TF: variants seen among roughly 807,000 people sequenced by gnomAD.
TF encodes serotransferrin.
TF carries 55 observed loss-of-function variants against 82.4 expected under a neutral mutation model. That is an observed-to-expected ratio of 0.67 (90% CI 0.54 to 0.84). The LOEUF is 0.84. Ranked by LOEUF, TF falls within the 40% of genes least tolerant of loss-of-function variation. The pLI is 0.00. For missense variants in TF, 737 were observed against 868.4 expected (o/e 0.85, Z 1.90); for synonymous variants, 332 against 332.6 (o/e 1.00, Z 0.02).
chr3:133,740,448 A>G, the TF span, among the ~76,000 whole-genome samples: 5 of 152,178 alleles, frequency 3.3e-5, no homozygotes, highest in Admixed American at 2.6e-4. Context: ...CTCATGCCTC[A>G]GCCTCCCGAG....
intron 11 of TF, among the ~76,000 whole-genome samples, 153 bp from the exon 12 acceptor site, chr3:133,766,125 T>C (rs992116501): frequency 5.3e-5 from 8 of 152,240 alleles, no homozygotes; most frequent in Admixed American, 5.2e-4. Context: ...CAGAGTTCCT[T>C]GTACTTCCCC....
In TF at chr3:133,794,945, G is replaced by T. The variant is rs76456178; in HGVS notation, c.*16325G>T. 1.9e-4 allele frequency: 29 copies of T among 152,244 alleles called. No individual in the cohort carries two copies. The highest frequency in any genetic ancestry group is 6.7e-4 in the African/African-American group (28 of 41,542). The allele number at this position is 152,244 out of a possible 1,614,324, so 9.4% of individuals were successfully genotyped here. ...TGAAGAATTTTGCAGCCAGCTTTAGGTCCTTTTTCCATGATTTGGAATAAA... is the reference window on the plus strand; with the variant it reads ...TGAAGAATTTTGCAGCCAGCTTTAGTTCCTTTTTCCATGATTTGGAATAAA... On this transcript the variant is annotated 3_prime_UTR_variant, in exon 17 of 17. Transcript: ENST00000402696.
At chr3:133,717,169 G>A in the TF span, among the ~76,000 whole-genome samples, 2 of 151,966 alleles carry the variant, frequency 1.3e-5, no homozygotes, top group African/African-American at 4.8e-5. Context: ...CTTTTCTTCT[G>A]TAGAATGAAC....
At chr3:133,755,135 G>A (rs1933788665) in intron 4 of TF, among the ~76,000 whole-genome samples, 1 of 152,260 alleles carries the variant, frequency 6.6e-6, no homozygotes, top group Non-Finnish European at 1.5e-5. Flanking sequence ...GCCTTGGTTA[G>A]TGGGAAGCAT....
chr3:133,674,651 G>A, the TF span, among the ~76,000 whole-genome samples: 1 of 152,158 alleles, frequency 6.6e-6, no homozygotes, highest in Non-Finnish European at 1.5e-5. Context: ...CTGAGTAAGT[G>A]AGCGCTGGGA....
intron 7 of TF, among the ~76,000 whole-genome samples, 179 bp from the exon 8 acceptor site, chr3:133,757,590 C>G (rs1187079911): frequency 1.3e-5 from 2 of 152,224 alleles, no homozygotes. Context: ...ATCGCGGACC[C>G]ACGAGGGCTA....
At chr3:133,736,615 C>T in the TF span, among the ~76,000 whole-genome samples, 1 of 46,230 alleles carries the variant, frequency 2.2e-5, no homozygotes, top group Admixed American at 3.1e-4. Flanking sequence ...GAAGATTTAC[C>T]AAGCAAATGG....
intron 14 of TF, chr3:133,772,790 A>G (rs1934291751): frequency 6.6e-6 from 1 of 152,190 alleles, no homozygotes; most frequent in African/African-American, 2.4e-5. Flanking sequence ...ATTTTGATGT[A>G]TTGTAAGTTT....
chr3:133,699,379 A>G, the TF span: 111 of 826,628 alleles, frequency 1.3e-4, no homozygotes, highest in Middle Eastern at 9.3e-4. Flanking sequence ...GGTGAGGGGC[A>G]TGGGTCATCC....
chr3:133,768,406 G>C (rs941779634), intron 13 of TF, among the ~76,000 whole-genome samples: 2 of 152,192 alleles, frequency 1.3e-5, no homozygotes, highest in African/African-American at 4.8e-5. Flanking sequence ...TTGTCAACGG[G>C]TGATTTGACC....
At chr3:133,720,784 G>A in the TF span, among the ~76,000 whole-genome samples, 16 of 152,078 alleles carry the variant, frequency 1.1e-4, no homozygotes, top group African/African-American at 3.4e-4. Flanking sequence ...CTTATTACTG[G>A]TCTGTGCCTA....
rs1934558919 is a variant in TF, at chr3:133,783,125, T to C, written c.*4505T>C. 1 of 152,250 alleles carries C rather than the reference T, an allele frequency of 6.6e-6. No homozygotes were observed. Among genetic ancestry groups the C allele is most frequent in the Non-Finnish European group, 1.5e-5 (1 of 68,050 alleles). 9.4% of individuals were successfully genotyped at this position (152,250 alleles called of 1,614,324 possible). A position where few individuals can be genotyped will look rare whatever the true frequency, so the allele number is the denominator to read the frequency against. ...TAATAAATTCTACTTTATTTGGGAT[T>C]CCTCCTTCACTGTAGTAATCTTTTT... On this transcript the variant is annotated 3_prime_UTR_variant, in exon 17 of 17. Transcript: ENST00000402696.
chr3:133,745,207 T>C (rs750962718), upstream of TF, among the ~76,000 whole-genome samples: 1 of 152,210 alleles, frequency 6.6e-6, no homozygotes, highest in Non-Finnish European at 1.5e-5. Context: ...ACCTGACGTG[T>C]CCACTAGGCT....
At chr3:133,716,082 C>T in the TF span, among the ~76,000 whole-genome samples, 33 of 152,296 alleles carry the variant, frequency 2.2e-4, no homozygotes, top group African/African-American at 7.9e-4. Context: ...TGACACTGCA[C>T]CTCAGTCTCT....
chr3:133,663,682 A>T, the TF span, among the ~76,000 whole-genome samples: 1 of 152,084 alleles, frequency 6.6e-6, no homozygotes, highest in Non-Finnish European at 1.5e-5. Context: ...AAGTTCAGGG[A>T]CTGTGTCACT....
the TF span, among the ~76,000 whole-genome samples, chr3:133,696,459 T>G: frequency 7.2e-5 from 11 of 152,250 alleles, no homozygotes; most frequent in Non-Finnish European, 1.3e-4. Context: ...TCTTAGAACA[T>G]ATCCCCCTTG....
At chr3:133,769,318 T>C (rs1166418270) in intron 13 of TF, among the ~76,000 whole-genome samples, 5 of 152,226 alleles carry the variant, frequency 3.3e-5, no homozygotes, top group African/African-American at 1.2e-4. Context: ...AGCATGTTGT[T>C]TTCATAAAGA....
chr3:133,712,505 CT>C, the TF span, among the ~76,000 whole-genome samples: 12 of 149,614 alleles, frequency 8.0e-5, no homozygotes, highest in Admixed American at 2.0e-4. Context: ...CAGCTGGAAC[CT>C]TTTTTTTTTA....
rs1412884827 is a variant in TF, at chr3:133,794,126, A to C, written c.*15506A>C. 1 of 152,208 alleles carries C rather than the reference A, an allele frequency of 6.6e-6. No individual in the cohort carries two copies. Among genetic ancestry groups the C allele is most frequent in the Non-Finnish European group, 1.5e-5 (1 of 68,028 alleles). 9.4% of individuals were successfully genotyped at this position (152,208 alleles called of 1,614,324 possible). A position where few individuals can be genotyped will look rare whatever the true frequency, so the allele number is the denominator to read the frequency against. On this transcript the variant is annotated 3_prime_UTR_variant, in exon 17 of 17. Transcript: ENST00000402696. ...CTGGTATTCAAGAGGATATGAGTCTAATGTTAATTAAGCATGAACTCATGG... is the reference window on the plus strand; with the variant it reads ...CTGGTATTCAAGAGGATATGAGTCTCATGTTAATTAAGCATGAACTCATGG...
Sources: gnomAD v4.1 joint callset for allele counts (sites outside exome capture counted in the v4.1 genomes callset) on GRCh38, gnomAD v4.1.1 for gene constraint, MANE v1.5 for transcripts, NCBI Gene and HGNC (gene_info 2026-07-23, HGNC 2026-07-21) for gene names.